Variants in PTX3 observed in about 807,000 individuals in gnomAD.
The protein encoded by PTX3 is pentraxin-related protein PTX3.
Under a neutral mutation model 23.5 loss-of-function variants are expected in PTX3, and 24 were observed. That is an observed-to-expected ratio of 1.02 (90% CI 0.74 to 1.43). The LOEUF (loss-of-function observed/expected upper bound fraction) is 1.43. PTX3 is among the 40% of genes most tolerant of loss of function. PTX3 has a pLI of 0.00. For missense variants in PTX3, 510 were observed against 497.5 expected (o/e 1.02, Z -0.24); for synonymous variants, 218 against 205.4 (o/e 1.06, Z -0.53).
In PTX3 at chr3:157,437,517, G is replaced by A; in HGVS notation, c.135G>A (p.Thr45=). The change falls in exon 2 of 3, where the codon ACG becomes ACA. Residue 45 remains threonine, a synonymous_variant. Transcript: ENST00000295927. ...DNGLHPTEDP[T]PCACGQEHSE... ...TGTGTGTATCCCGTACTCTAGCCACGCCGTGCGCCTGCGGTCAGGAGCACT... is the reference window on the plus strand; with the variant it reads ...TGTGTGTATCCCGTACTCTAGCCACACCGTGCGCCTGCGGTCAGGAGCACT... The A allele has an allele frequency of 1.2e-6, 2 of 1,604,756 alleles. No homozygotes were observed. Among genetic ancestry groups the A allele is most frequent in the Middle Eastern group, 1.9e-4 (1 of 5,160 alleles).
rs1734262966 is a variant in PTX3 at position 157,443,023 on chromosome 3, T to G, written c.*44T>G. 1 of 1,548,496 alleles carries G rather than the reference T, an allele frequency of 6.5e-7. No individual in the cohort carries two copies. The highest frequency in any genetic ancestry group is 8.7e-7 in the Non-Finnish European group (1 of 1,151,166). On this transcript the variant is annotated 3_prime_UTR_variant, in exon 3 of 3. Transcript: ENST00000295927. ...TGAAGCCAAAGAAAGAAACTCACAC[T>G]TAAAACACATGCCAGTTGGGAAGGT...
chr3:157,439,961 A>G (rs1052208865), intron 2 of PTX3, among the ~76,000 whole-genome samples: 14 of 152,154 alleles, frequency 9.2e-5, no homozygotes, highest in Non-Finnish European at 1.5e-4. Context: ...CGTGTTAGCC[A>G]GGATGGTCTC....
At chr3:157,437,133 A>G (rs758952974) in intron 1 of PTX3, 70 bp downstream of exon 1, 17 of 1,559,718 alleles carry the variant, frequency 1.1e-5, no homozygotes, top group East Asian at 2.2e-5. Flanking sequence ...AATAACACAC[A>G]TATACTTTGT....
intron 2 of PTX3, 141 bp from the exon 3 acceptor site, chr3:157,442,224 AG>A: frequency 1.3e-6 from 1 of 756,350 alleles, no homozygotes; most frequent in Non-Finnish European, 2.0e-6. Flanking sequence ...TTACAGTGGA[AG>A]CTTCTTAAGT....
chr3:157,439,697 T>C (rs1191743953), intron 2 of PTX3, among the ~76,000 whole-genome samples: 1 of 152,198 alleles, frequency 6.6e-6, no homozygotes, highest in African/African-American at 2.4e-5. Flanking sequence ...CCTGGGCTTA[T>C]TTAAAGAGGA....
Position 157,437,739 on chromosome 3 carries a change from G to T in PTX3, c.357G>T (p.Glu119Asp), listed in dbSNP as rs1189552530. ...AEARLTSALD[E>D]LLQATRDAGR... is the part of the protein sequence containing the mutation. ...CCAGGCTGACCAGTGCTCTGGACGAGCTGCTGCAGGCGACCCGCGACGCGG... is the reference window on the plus strand; with the variant it reads ...CCAGGCTGACCAGTGCTCTGGACGATCTGCTGCAGGCGACCCGCGACGCGG... Residue 119 changes from glutamate (E) to aspartate (D), a missense_variant, in exon 2 of 3, where the codon GAG becomes GAT. Coordinates refer to ENST00000295927, the MANE Select transcript of PTX3 (RefSeq NM_002852.4). 6.7e-7 allele frequency: 1 copy of T among 1,497,956 alleles called. No homozygotes were observed. 92.8% of individuals were successfully genotyped at this position (1,497,956 alleles called of 1,614,324 possible).
rs2109190876 is a variant in PTX3 at position 157,437,617 on chromosome 3, G to A, written c.235G>A (p.Asp79Asn). The change falls in exon 2 of 3, where the codon GAC becomes AAC. Residue 79 changes from aspartate to asparagine, a missense_variant. Coordinates refer to ENST00000295927, the MANE Select transcript of PTX3 (RefSeq NM_002852.4). ...RERMLLQATDDVLRGELQRLR... is the reference protein window; with the variant it reads ...RERMLLQATDNVLRGELQRLR... ...GCGCATGCTGCTGCAAGCCACGGAC[G>A]ACGTCCTGCGGGGCGAGCTGCAGAG... The A allele has an allele frequency of 4.5e-6, 7 of 1,563,152 alleles. No homozygotes were observed. The East Asian group carries it at 7.2e-5, about 16-fold the overall frequency.
rs1324888250 is a variant in PTX3, at chr3:157,443,103, G to A, written c.*124G>A. ...TGAGACTAATGAAAGAGAGAGTTGA[G>A]ACCAATCTTTATTTGTACTGGCCAA... On this transcript the variant is annotated 3_prime_UTR_variant, in exon 3 of 3. Transcript: ENST00000295927. The A allele has an allele frequency of 1.7e-6, 2 of 1,171,510 alleles. No homozygotes were observed. Among genetic ancestry groups the A allele is most frequent in the Admixed American group, 2.8e-5 (1 of 35,594 alleles). 72.6% of individuals were successfully genotyped at this position (1,171,510 alleles called of 1,614,324 possible).
rs2109249491 is a variant in PTX3, at chr3:157,443,398, T to C, written c.*419T>C. On this transcript the variant is annotated 3_prime_UTR_variant, in exon 3 of 3. Coordinates refer to ENST00000295927, the MANE Select transcript of PTX3 (RefSeq NM_002852.4). ...TTCATTGTTATTGGTATGTACCTTATTACAAAAAAAAGATGAAAACATATT... is the reference window on the plus strand; with the variant it reads ...TTCATTGTTATTGGTATGTACCTTACTACAAAAAAAAGATGAAAACATATT... The C allele has an allele frequency of 9.4e-6, 1 of 106,318 alleles. No individual in the cohort carries two copies. The highest frequency in any genetic ancestry group is 3.2e-4 in the East Asian group (1 of 3,094). 6.6% of individuals were successfully genotyped at this position (106,318 alleles called of 1,614,324 possible).
chr3:157,437,685 G>C lies in PTX3; in HGVS notation c.303G>C (p.Arg101Ser). The change falls in exon 2 of 3, where the codon AGG becomes AGC. Residue 101 changes from arginine to serine, a missense_variant. By Grantham distance (110) the Arg-to-Ser change is moderately radical. Transcript: ENST00000295927. The part of the protein sequence containing the change: ...ELGRLAESLA[R>S]PCAPGAPAEA... Reference sequence around the variant, plus strand: ...GCCGGCTCGCGGAAAGCCTGGCGAGGCCGTGCGCGCCGGGGGCTCCCGCAG... The same window carrying C: ...GCCGGCTCGCGGAAAGCCTGGCGAGCCCGTGCGCGCCGGGGGCTCCCGCAG... The C allele has an allele frequency of 6.5e-7, 1 of 1,534,174 alleles. No individual in the cohort carries two copies. The highest frequency in any genetic ancestry group is 8.7e-7 in the Non-Finnish European group (1 of 1,144,550).
intron 2 of PTX3, among the ~76,000 whole-genome samples, chr3:157,439,341 A>G (rs1488470464): frequency 6.6e-6 from 1 of 152,240 alleles, no homozygotes; most frequent in Non-Finnish European, 1.5e-5. Flanking sequence ...TATTACATCC[A>G]ATAATACTTT....
Position 157,442,865 on chromosome 3 carries a change from CAATGA to C in PTX3, c.1034_1038del (p.Asn345ArgfsTer52). On this transcript the variant is annotated frameshift_variant, in exon 3 of 3. Coordinates refer to ENST00000295927, the MANE Select transcript of PTX3 (RefSeq NM_002852.4). LOFTEE classifies it high-confidence loss of function. ...TCAATATCTGGGATAGTGTTCTTAG[CAATGA>C]AGAGATAAGAGAGACCGGAGGAGCA... 1 of 1,614,100 alleles carries C rather than the reference CAATGA, an allele frequency of 6.2e-7. No individual in the cohort carries two copies. Among genetic ancestry groups the C allele is most frequent in the Non-Finnish European group, 8.5e-7 (1 of 1,180,022 alleles).
chr3:157,442,686 G>T lies in PTX3; in HGVS notation c.853G>T (p.Val285Leu). ...AGAGGAAGGGCTCACATCCTTGTGG[G>T]TAAATGGTGAACTGGCGGCTACCAC... ...NSEEGLTSLW[V>L]NGELAATTVE... Residue 285 changes from valine to leucine, a missense_variant, in exon 3 of 3, where the codon GTA becomes TTA. Coordinates refer to ENST00000295927, the MANE Select transcript of PTX3 (RefSeq NM_002852.4). 6.2e-7 allele frequency: 1 copy of T among 1,614,244 alleles called. No individual in the cohort carries two copies. Among genetic ancestry groups the T allele is most frequent in the Non-Finnish European group, 8.5e-7 (1 of 1,180,050 alleles).
chr3:157,437,662 C>A lies in PTX3; in HGVS notation c.280C>A (p.Arg94=). 6.5e-7 allele frequency: 1 copy of A among 1,541,240 alleles called. No individual in the cohort carries two copies. The highest frequency in any genetic ancestry group is 1.4e-5 in the African/African-American group (1 of 73,056). ...GCAGAGGCTGCGGGAGGAGCTGGGCCGGCTCGCGGAAAGCCTGGCGAGGCC... is the reference window on the plus strand; with the variant it reads ...GCAGAGGCTGCGGGAGGAGCTGGGCAGGCTCGCGGAAAGCCTGGCGAGGCC... ...ELQRLREELG[R]LAESLARPCA... The change falls in exon 2 of 3, where the codon CGG becomes AGG. Residue 94 remains arginine (R), a synonymous_variant. Coordinates refer to ENST00000295927, the MANE Select transcript of PTX3 (RefSeq NM_002852.4).
chr3:157,439,262 T>TA (rs1314474154), intron 2 of PTX3, among the ~76,000 whole-genome samples: 12 of 152,236 alleles, frequency 7.9e-5, no homozygotes, highest in African/African-American at 2.9e-4. Context: ...CTCTATTTTT[T>TA]ATCTTCATCT....
In PTX3 at chr3:157,437,540, A is replaced by C. The variant is rs761349277; in HGVS notation, c.158A>C (p.His53Pro). 1.2e-6 allele frequency: 2 copies of C among 1,606,100 alleles called. No individual in the cohort carries two copies. Among genetic ancestry groups the C allele is most frequent in the African/African-American group, 2.7e-5 (2 of 74,708 alleles). ...DPTPCACGQE[H>P]SEWDKLFIML... ...ACGCCGTGCGCCTGCGGTCAGGAGC[A>C]CTCGGAATGGGACAAGCTCTTCATC... The change falls in exon 2 of 3, where the codon CAC (histidine) becomes CCC (proline). Residue 53 changes from histidine (H) to proline (P), a missense_variant. Transcript: ENST00000295927.
rs1734230251 is a variant in PTX3, at chr3:157,442,742, T to G, written c.909T>G (p.Pro303=). 1 of 1,614,226 alleles carries G rather than the reference T, an allele frequency of 6.2e-7. No individual in the cohort carries two copies. The highest frequency in any genetic ancestry group is 8.5e-7 in the Non-Finnish European group (1 of 1,180,042). ...TVEMATGHIV[P]EGGILQIGQE... ...AGATGGCCACAGGTCACATTGTTCC[T>G]GAGGGAGGAATCCTGCAGATTGGCC... is the stretch of plus-strand genomic sequence containing the variant. Residue 303 remains proline (P), a synonymous_variant, in exon 3 of 3, where the codon CCT becomes CCG. Transcript: ENST00000295927.
Position 157,437,473 on chromosome 3 carries a change from CCTGG to C in PTX3, c.131-39_131-36del, listed in dbSNP as rs781680559. On this transcript the variant is annotated intron_variant, in intron 1 of 2. Transcript: ENST00000295927. ...TTTTACAAAGCACATCCAAGGCAGG[CCTGG>C]GCGGGCTGCTAACGTGTGTGTATCC... 1,810 of 1,575,652 alleles carry C rather than the reference CCTGG, an allele frequency of 1.1e-3. 2 individuals are homozygous for C. The highest frequency in any genetic ancestry group is 1.5e-3 in the Non-Finnish European group (1,708 of 1,163,316).
rs765511514 is a variant in PTX3 at position 157,436,973 on chromosome 3, G to A, written c.40G>A (p.Ala14Thr). 1.2e-6 allele frequency: 2 copies of A among 1,614,032 alleles called. No homozygotes were observed. Among genetic ancestry groups the A allele is most frequent in the Non-Finnish European group, 1.7e-6 (2 of 1,179,924 alleles). The change falls in exon 1 of 3, where the codon GCA becomes ACA. Residue 14 changes from alanine (A) to threonine (T), a missense_variant. Ala to Thr is a moderately conservative substitution (Grantham distance 58). Coordinates refer to ENST00000295927, the MANE Select transcript of PTX3 (RefSeq NM_002852.4). ...GATTCTGTTTTGTGCTCTCTGGTCTGCAGTGTTGGCCGAGAACTCGGATGA... is the reference window on the plus strand; with the variant it reads ...GATTCTGTTTTGTGCTCTCTGGTCTACAGTGTTGGCCGAGAACTCGGATGA... Reference protein sequence around the residue: ...LAILFCALWSAVLAENSDDYD... With the variant: ...LAILFCALWSTVLAENSDDYD...
Sources: gnomAD v4.1 joint callset for allele counts (sites outside exome capture counted in the v4.1 genomes callset) on GRCh38, gnomAD v4.1.1 for gene constraint, MANE v1.5 for transcripts, NCBI Gene and HGNC (gene_info 2026-07-23, HGNC 2026-07-21) for gene names.